Variants in SUSD4 observed in about 807,000 individuals in gnomAD.
SUSD4 encodes sushi domain containing 4, also known as sushi domain-containing protein 4.
In SUSD4, 41 loss-of-function variants were observed where a neutral mutation model predicts 50.5. That is an observed-to-expected ratio of 0.81 (90% confidence interval 0.63 to 1.05). The LOEUF (loss-of-function observed/expected upper bound fraction) is 1.05. Ranked by LOEUF, SUSD4 falls within the 50% of genes least tolerant of loss-of-function variation. The pLI, the probability that SUSD4 is intolerant of heterozygous loss-of-function variation, is 0.00. For synonymous variants in SUSD4, 257 were observed against 257.3 expected, an observed-to-expected ratio of 1.00 and a Z score of 0.01; for missense variants, 580 against 634.7, an observed-to-expected ratio of 0.91 and a Z score of 0.93.
chr1:223,283,127 C>T (rs572658929), intron 3 of SUSD4, among the ~76,000 whole-genome samples: 39 of 152,174 alleles, frequency 2.6e-4, no homozygotes, highest in Non-Finnish European at 5.0e-4. Flanking sequence ...CCATAAAAAC[C>T]GTAGAAGAAA....
intron 3 of SUSD4, among the ~76,000 whole-genome samples, chr1:223,287,037 C>T (rs1413725120): frequency 6.6e-6 from 1 of 152,192 alleles, no homozygotes; most frequent in Non-Finnish European, 1.5e-5. Flanking sequence ...GCAAGGAAAA[C>T]CATCCTAGGG....
chr1:223,291,571 C>T (rs191512037), intron 3 of SUSD4, among the ~76,000 whole-genome samples: 213 of 143,542 alleles, frequency 1.5e-3, no homozygotes, highest in African/African-American at 5.4e-3. Flanking sequence ...TAAATCATGA[C>T]AATAGTTTCC....
intron 2 of SUSD4, among the ~76,000 whole-genome samples, chr1:223,343,977 T>C (rs1667899202): frequency 6.6e-6 from 1 of 152,164 alleles, no homozygotes; most frequent in Admixed American, 6.5e-5. Flanking sequence ...AGTCCCAAGT[T>C]AGCCATTTTC....
chr1:223,263,644 T>G, intron 5 of SUSD4: 1 of 985,338 alleles, frequency 1.0e-6, no homozygotes, highest in South Asian at 4.7e-5. Flanking sequence ...AGAGATTCCA[T>G]GGCTCCAGCC....
chr1:223,287,357 G>A (rs539033352), intron 3 of SUSD4, among the ~76,000 whole-genome samples: 54 of 152,276 alleles, frequency 3.5e-4, no homozygotes, highest in Non-Finnish European at 6.5e-4. Flanking sequence ...GATTACAGGC[G>A]TGAGCCACCG....
chr1:223,328,869 T>C (rs1227107953), intron 2 of SUSD4, among the ~76,000 whole-genome samples: 1 of 152,216 alleles, frequency 6.6e-6, no homozygotes, highest in African/African-American at 2.4e-5. Flanking sequence ...CTGGCTGTAT[T>C]GTCCCTACCA....
intron 3 of SUSD4, among the ~76,000 whole-genome samples, chr1:223,282,107 T>C (rs1345389595): frequency 1.3e-5 from 2 of 152,134 alleles, no homozygotes; most frequent in East Asian, 1.9e-4. Flanking sequence ...TAAGAGCTAT[T>C]TATGACAAAC....
At position 223,231,967 on chromosome 1, in the gene SUSD4, C is replaced by G. The variant is rs1487315522; in HGVS notation, c.725-2579G>C. 6.6e-6 allele frequency among the ~76,000 whole-genome samples: 1 copy of G among 152,198 alleles called. No homozygotes were observed. Among genetic ancestry groups the G allele is most frequent in the Non-Finnish European group, 1.5e-5 (1 of 68,042 alleles). On this transcript the variant is annotated intron_variant, in intron 5 of 8. Transcript: ENST00000366878. The surrounding 1 kb of genome is among the most constrained non-coding windows in gnomAD (Gnocchi z 4.2). Reference sequence around the variant, plus strand: ...ATAAAGAAAATATAGGCAATATACACCACAGAATATTATTCAGCCTTAAAA... The same window carrying G: ...ATAAAGAAAATATAGGCAATATACAGCACAGAATATTATTCAGCCTTAAAA...
intron 2 of SUSD4, among the ~76,000 whole-genome samples, chr1:223,343,550 G>A (rs1418480821): frequency 6.6e-6 from 1 of 152,132 alleles, no homozygotes; most frequent in Non-Finnish European, 1.5e-5. Flanking sequence ...ATAAAAATAT[G>A]ATATATTGTT....
intron 5 of SUSD4, among the ~76,000 whole-genome samples, chr1:223,245,603 T>A (rs1172569100): frequency 6.6e-6 from 1 of 152,126 alleles, no homozygotes. Flanking sequence ...TTTATCATAG[T>A]GTGAAGGGAC....
At chr1:223,342,942 G>T (rs1190862483) in intron 2 of SUSD4, among the ~76,000 whole-genome samples, 18 of 152,266 alleles carry the variant, frequency 1.2e-4, no homozygotes, top group Non-Finnish European at 1.5e-5. Flanking sequence ...GAACATTGTT[G>T]ATATGTGAAA....
At chr1:223,359,612 A>G (rs529587088) in intron 2 of SUSD4, among the ~76,000 whole-genome samples, 159 of 152,326 alleles carry the variant, frequency 1.0e-3, no homozygotes, top group African/African-American at 3.5e-3. Context: ...CTTGCTCTCA[A>G]TCAAAATTAG....
In SUSD4 at chr1:223,268,647, A is replaced by G. The variant is rs1358004054; in HGVS notation, c.390T>C (p.Ala130=). 7 of 1,612,444 alleles carry G rather than the reference A, an allele frequency of 4.3e-6. No homozygotes were observed. Among genetic ancestry groups the G allele is most frequent in the Middle Eastern group, 3.3e-4 (2 of 6,080 alleles). The part of the protein sequence containing the change: ...EDCRIPQIED[A]EIHNKTYRHG... Reference sequence around the variant, plus strand: ...GTCTATATGTCTTGTTATGAATCTCAGCATCTTCGATTTGAGGGATACGGC... The same window carrying G: ...GTCTATATGTCTTGTTATGAATCTCGGCATCTTCGATTTGAGGGATACGGC... Residue 130 remains alanine, a synonymous_variant, in exon 4 of 9, where the codon GCT becomes GCC. Coordinates refer to ENST00000366878, the MANE Select transcript of SUSD4 (RefSeq NM_017982.4).
At chr1:223,327,702 A>G (rs577789499) in intron 2 of SUSD4, among the ~76,000 whole-genome samples, 11 of 152,284 alleles carry the variant, frequency 7.2e-5, no homozygotes, top group African/African-American at 2.6e-4. Context: ...GGCAGACACA[A>G]TTCCAGGTCA....
intron 2 of SUSD4, among the ~76,000 whole-genome samples, chr1:223,304,633 C>T (rs571202855): frequency 6.6e-6 from 1 of 151,156 alleles, no homozygotes; most frequent in Admixed American, 6.6e-5. Context: ...TACACTCCAC[C>T]TTGTCATGAT....
intron 2 of SUSD4, among the ~76,000 whole-genome samples, chr1:223,298,499 T>G (rs1664980710): frequency 6.6e-6 from 1 of 152,186 alleles, no homozygotes; most frequent in Admixed American, 6.5e-5. Context: ...GAGGTAGGTC[T>G]ACACGAGGGA....
chr1:223,296,528 GCA>G (rs924496228), intron 2 of SUSD4, among the ~76,000 whole-genome samples: 2 of 152,168 alleles, frequency 1.3e-5, no homozygotes, highest in African/African-American at 4.8e-5. Flanking sequence ...GCAGTCCAAG[GCA>G]CAGGTGGGCA....
chr1:223,333,282 T>C (rs528141549), intron 2 of SUSD4, among the ~76,000 whole-genome samples: 2 of 152,144 alleles, frequency 1.3e-5, no homozygotes, highest in Non-Finnish European at 2.9e-5. Flanking sequence ...CATGGGAAGT[T>C]ACTTAACCTC....
intron 5 of SUSD4, among the ~76,000 whole-genome samples, chr1:223,252,982 T>C (rs942577913): frequency 6.6e-6 from 1 of 151,738 alleles, no homozygotes; most frequent in African/African-American, 2.4e-5. Context: ...TACCAGCTAG[T>C]TGGGAGGCTG....
Sources: allele counts gnomAD v4.1 joint callset (sites outside exome capture counted in the v4.1 genomes callset), GRCh38; gene constraint gnomAD v4.1.1; non-coding constraint Gnocchi (gnomAD v3.1); transcripts MANE v1.5; gene names NCBI Gene and HGNC (gene_info 2026-07-23, HGNC 2026-07-21).